The following LITAF variants were observed in gnomAD, a reference collection of about 807,000 sequenced individuals.
The protein encoded by LITAF is lipopolysaccharide-induced tumor necrosis factor-alpha factor.
A neutral mutation model predicts 14.5 loss-of-function variants in LITAF; 9 were observed. That is an observed-to-expected ratio of 0.62 (90% CI 0.37 to 1.08). LITAF has a LOEUF of 1.08. Among genes scored for constraint, LITAF ranks in the 50% least tolerant of loss-of-function variants. The pLI is 0.01. For synonymous variants in LITAF, 98 were observed against 88.2 expected (o/e 1.11, Z -0.62); for missense variants, 206 against 213.4 (o/e 0.97, Z 0.22).
At chr16:11,582,200 C>A (rs1190460722) in intron 1 of LITAF, among the ~76,000 whole-genome samples, 1 of 151,264 alleles carries the variant, frequency 6.6e-6, no homozygotes, top group Non-Finnish European at 1.5e-5. Flanking sequence ...CTCTTTATCC[C>A]ATAAATGTGT....
intron 1 of LITAF, among the ~76,000 whole-genome samples, chr16:11,564,446 G>A (rs80343984): frequency 0.016 from 2,493 of 152,066 alleles, 79 homozygotes; most frequent in African/African-American, 0.057. Context: ...CTGCTACTTC[G>A]GGCACTCACA....
At chr16:11,588,902 C>T (rs923770350), upstream of LITAF, among the ~76,000 whole-genome samples, 13 of 151,790 alleles carry the variant, frequency 8.6e-5, no homozygotes, top group East Asian at 1.3e-3. Flanking sequence ...CTCCCTTCCT[C>T]GCTTCCTCCC....
chr16:11,555,845 T>A (rs528291382), intron 2 of LITAF, among the ~76,000 whole-genome samples: 2 of 152,270 alleles, frequency 1.3e-5, no homozygotes, highest in South Asian at 4.2e-4. Flanking sequence ...AACAACTCAC[T>A]GATATTTATA....
intron 1 of LITAF, among the ~76,000 whole-genome samples, chr16:11,567,638 G>GT (rs968207874): frequency 1.3e-5 from 2 of 152,104 alleles, no homozygotes; most frequent in African/African-American, 4.8e-5. Flanking sequence ...GAGACCCCTT[G>GT]TTTGGGCCAG....
intron 1 of LITAF, among the ~76,000 whole-genome samples, chr16:11,564,921 T>A (rs1236865915): frequency 6.6e-6 from 1 of 152,012 alleles, no homozygotes; most frequent in Non-Finnish European, 1.5e-5. Flanking sequence ...TATGGGGTTC[T>A]TTTGGGGATG....
intron 3 of LITAF, among the ~76,000 whole-genome samples, chr16:11,550,278 T>C (rs2064163832): frequency 6.6e-6 from 1 of 152,152 alleles, no homozygotes; most frequent in African/African-American, 2.4e-5. Context: ...TTAGGAGAGT[T>C]GGGGTTTCAC....
chr16:11,557,060 C>T lies in LITAF; in HGVS notation c.-5-325G>A, dbSNP rs558829895. On this transcript the variant is annotated intron_variant, in intron 1 of 3. Transcript: ENST00000622633. ...CCTTCCATATCTGGTGTTTCTTCTT[C>T]GTTGTTTTTTTTTGTTTGTTTTTTT... is the stretch of plus-strand genomic sequence containing the variant. Among the ~76,000 whole-genome samples, 97 of 89,080 alleles carry T rather than the reference C, an allele frequency of 1.1e-3. 2 individuals carry two copies. The South Asian group carries it at 0.03, about 28-fold the overall frequency. 58.4% of individuals were successfully genotyped at this position (89,080 alleles called of 152,430 possible).
At chr16:11,602,682 G>C (rs1423375802), upstream of LITAF, among the ~76,000 whole-genome samples, 1 of 148,568 alleles carries the variant, frequency 6.7e-6, no homozygotes, top group Non-Finnish European at 1.5e-5. Flanking sequence ...GTATGGTTGA[G>C]TTACACTTGT....
chr16:11,576,650 G>C (rs905219683), intron 1 of LITAF, among the ~76,000 whole-genome samples: 7 of 151,642 alleles, frequency 4.6e-5, no homozygotes, highest in African/African-American at 1.7e-4. Flanking sequence ...AGTCCAACAT[G>C]GGGCTGATGG....
At chr16:11,568,686 T>TTTTG (rs1266725715) in intron 1 of LITAF, among the ~76,000 whole-genome samples, 28 of 149,500 alleles carry the variant, frequency 1.9e-4, no homozygotes, top group African/African-American at 6.4e-4. Context: ...TTTTTTTGTT[T>TTTTG]TTTTTTTTTT....
intron 1 of LITAF, among the ~76,000 whole-genome samples, chr16:11,566,949 G>A (rs187845416): frequency 1.4e-3 from 219 of 152,314 alleles, no homozygotes; most frequent in African/African-American, 5.1e-3. Context: ...TCAGCTCAAG[G>A]TAACACGAGG....
rs750674748 is a variant in LITAF at position 11,634,863 on chromosome 16, G to A, written c.-21+962C>T. The stretch of plus-strand genomic sequence containing the variant: ...AGCCTGGCTAACCTGGTGAAACCCC[G>A]TCTCTACTAAAAATGCAAAAACTAG... On this transcript the variant is annotated intron_variant, in intron 2 of 3. Coordinates refer to the LITAF transcript ENST00000574848. The surrounding 1 kb of genome is among the most constrained non-coding windows in gnomAD (Gnocchi z 4.1). Among the ~76,000 whole-genome samples, 2 of 151,902 alleles carry A rather than the reference G, an allele frequency of 1.3e-5. No individual in the cohort carries two copies. Among genetic ancestry groups the A allele is most frequent in the African/African-American group, 4.8e-5 (2 of 41,350 alleles).
intron 3 of LITAF, among the ~76,000 whole-genome samples, chr16:11,631,047 G>A (rs1023905105): frequency 1.3e-5 from 2 of 152,138 alleles, no homozygotes; most frequent in Admixed American, 6.5e-5. Flanking sequence ...TGCAGAAACC[G>A]AGGCTTAACA....
intron 1 of LITAF, among the ~76,000 whole-genome samples, chr16:11,557,773 A>C (rs2064297334): frequency 6.6e-6 from 1 of 152,230 alleles, no homozygotes; most frequent in Admixed American, 6.5e-5. Context: ...CTTTTTAAGA[A>C]GGAAATACAC....
Position 11,553,450 on chromosome 16 carries a change from C to A in LITAF, c.377+83G>T. The A allele has an allele frequency of 1.4e-6, 2 of 1,419,948 alleles. No homozygotes were observed. The allele number at this position is 1,419,948 out of a possible 1,614,324, so 88.0% of individuals were successfully genotyped here. A position where few individuals can be genotyped will look rare whatever the true frequency, so the allele number is the denominator to read the frequency against. ...CAAATGTCTGGCCCTGAATGTCAAG[C>A]ATGGTGCAGTTGAGAACCCACCCCC... On this transcript the variant is annotated intron_variant, in intron 3 of 3. Transcript: ENST00000622633. The surrounding 1 kb of genome is among the most constrained non-coding windows in gnomAD (Gnocchi z 7.7).
chr16:11,613,887 G>A (rs1197939609), intron 3 of LITAF, among the ~76,000 whole-genome samples: 2 of 152,212 alleles, frequency 1.3e-5, no homozygotes, highest in South Asian at 2.1e-4. Context: ...CACTTCTCTC[G>A]CTGAATGTTT....
intron 1 of LITAF, among the ~76,000 whole-genome samples, chr16:11,574,803 T>G (rs1369862517): frequency 1.1e-4 from 1 of 9,202 alleles, no homozygotes; most frequent in African/African-American, 1.2e-3. Context: ...AATATAAAGT[T>G]TTTTTTTTCT....
rs1007905330 is a variant in LITAF at position 11,585,593 on chromosome 16, C to T, written c.-6+1293G>A. Among the ~76,000 whole-genome samples the T allele has an allele frequency of 3.3e-5, 5 of 152,146 alleles. No individual in the cohort carries two copies. The East Asian group carries it at 9.6e-4, about 29-fold the overall frequency. On this transcript the variant is annotated intron_variant, in intron 1 of 3. Transcript: ENST00000622633. ...TCCAGATACCAGCCTGCACTTCTCT[C>T]TGTAGGCATCTGGGTTAGTCCTAAA...
At chr16:11,571,011 G>A (rs1049343840) in intron 1 of LITAF, among the ~76,000 whole-genome samples, 2 of 152,086 alleles carry the variant, frequency 1.3e-5, no homozygotes, top group Non-Finnish European at 2.9e-5. Context: ...AGCTGGGAAA[G>A]GCAAGACCAT....
Sources: allele counts gnomAD v4.1 joint callset (sites outside exome capture counted in the v4.1 genomes callset), GRCh38; gene constraint gnomAD v4.1.1; non-coding constraint Gnocchi (gnomAD v3.1); transcripts MANE v1.5; gene names NCBI Gene and HGNC (gene_info 2026-07-23, HGNC 2026-07-21).